KCNIP1: variants seen among roughly 807,000 people sequenced by gnomAD.
The protein encoded by KCNIP1 is A-type potassium channel modulatory protein KCNIP1.
In KCNIP1, 18 loss-of-function variants were observed where a neutral mutation model predicts 33.0. That is an observed-to-expected ratio of 0.55 (90% CI 0.38 to 0.81). The LOEUF is 0.81. Ranked by LOEUF, KCNIP1 falls within the 30% of genes least tolerant of loss-of-function variation. The pLI is 0.00. For synonymous variants in KCNIP1, 93 were observed against 98.3 expected (o/e 0.95, Z 0.32); for missense variants, 238 against 271.6 (o/e 0.88, Z 0.87).
intron 1 of KCNIP1, among the ~76,000 whole-genome samples, chr5:170,605,491 T>G (rs1758870719): frequency 6.6e-6 from 1 of 152,186 alleles, no homozygotes; most frequent in African/African-American, 2.4e-5. Context: ...TTAATTACAT[T>G]CACAACGGCA....
intron 1 of KCNIP1, among the ~76,000 whole-genome samples, chr5:170,508,560 A>C (rs1049573903): frequency 1.2e-4 from 19 of 152,260 alleles, no homozygotes; most frequent in Non-Finnish European, 7.3e-5. Context: ...CCCAAGGGGC[A>C]GGCCTTTGGC....
chr5:170,720,705 C>CA (rs1437466798), intron 3 of KCNIP1, among the ~76,000 whole-genome samples: 1 of 152,184 alleles, frequency 6.6e-6, no homozygotes, highest in Non-Finnish European at 1.5e-5. Flanking sequence ...GCAGTGTACT[C>CA]AAGATTGCAC....
chr5:170,574,229 G>A (rs949592543), intron 1 of KCNIP1, among the ~76,000 whole-genome samples: 2 of 152,176 alleles, frequency 1.3e-5, no homozygotes, highest in Non-Finnish European at 2.9e-5. Context: ...AAACCAATTT[G>A]ACCAGAAGCT....
chr5:170,423,846 T>C (rs1262960201), intron 1 of KCNIP1, among the ~76,000 whole-genome samples: 2 of 152,238 alleles, frequency 1.3e-5, no homozygotes, highest in African/African-American at 2.4e-5. Context: ...AAATGTTTAA[T>C]TGTGGCTCAG....
intron 1 of KCNIP1, among the ~76,000 whole-genome samples, chr5:170,481,326 A>G (rs1387272945): frequency 6.6e-6 from 1 of 152,186 alleles, no homozygotes; most frequent in African/African-American, 2.4e-5. Context: ...TAAGTGGAGA[A>G]AACTGTTAGA....
intron 1 of KCNIP1, among the ~76,000 whole-genome samples, chr5:170,710,476 T>C (rs1389623943): frequency 6.6e-6 from 1 of 152,178 alleles, no homozygotes; most frequent in Admixed American, 6.5e-5. Flanking sequence ...CTGTATTCTA[T>C]TTTTTCTCTT....
intron 1 of KCNIP1, among the ~76,000 whole-genome samples, chr5:170,421,498 A>G (rs555921923): frequency 6.6e-6 from 1 of 152,030 alleles, no homozygotes; most frequent in East Asian, 1.9e-4. Context: ...AGGCTGGGAA[A>G]TCCATGATTA....
intron 1 of KCNIP1, among the ~76,000 whole-genome samples, chr5:170,419,546 A>G (rs1755423798): frequency 6.6e-6 from 1 of 152,256 alleles, no homozygotes; most frequent in African/African-American, 2.4e-5. Flanking sequence ...GCTTGGAGTC[A>G]GAAATTATGT....
At chr5:170,548,143 T>C (rs1406208315) in intron 1 of KCNIP1, among the ~76,000 whole-genome samples, 1 of 152,240 alleles carries the variant, frequency 6.6e-6, no homozygotes, top group Non-Finnish European at 1.5e-5. Flanking sequence ...GTATTTTTCA[T>C]TTCTAGATGC....
At chr5:170,385,380 A>G (rs1234261979) in intron 1 of KCNIP1, 2 of 1,614,072 alleles carry the variant, frequency 1.2e-6, no homozygotes, top group East Asian at 2.2e-5. Context: ...ACACACCACC[A>G]TGGTTACACC....
Position 170,722,809 on chromosome 5 carries a change from A to T in KCNIP1, c.424A>T (p.Ile142Leu). 1 of 1,611,200 alleles carries T rather than the reference A, an allele frequency of 6.2e-7. No homozygotes were observed. Among genetic ancestry groups the T allele is most frequent in the Non-Finnish European group, 8.5e-7 (1 of 1,177,454 alleles). Reference protein sequence around the residue: ...NLYDINKDGYINKEEMMDIVK... With the variant: ...NLYDINKDGYLNKEEMMDIVK... ...GTATGACATCAACAAGGACGGATAC[A>T]TAAACAAAGAGGTAAGTGAGCTGGG... Residue 142 changes from isoleucine (I) to leucine (L), a missense_variant, in exon 5 of 8, where the codon ATA becomes TTA. Coordinates refer to ENST00000328939, the MANE Select transcript of KCNIP1 (RefSeq NM_014592.4).
intron 1 of KCNIP1, among the ~76,000 whole-genome samples, chr5:170,649,243 G>T (rs1237813557): frequency 4.0e-5 from 6 of 151,696 alleles, no homozygotes; most frequent in Admixed American, 3.9e-4. Flanking sequence ...GCAAAAACTG[G>T]AATCAATTTA....
chr5:170,672,352 G>A (rs1279543693), intron 1 of KCNIP1, among the ~76,000 whole-genome samples: 1 of 152,206 alleles, frequency 6.6e-6, no homozygotes, highest in African/African-American at 2.4e-5. Flanking sequence ...ACTCCCTCTC[G>A]AAGGGGTTCA....
chr5:170,512,149 AT>A (rs1350503268), intron 1 of KCNIP1, among the ~76,000 whole-genome samples: 1 of 152,222 alleles, frequency 6.6e-6, no homozygotes, highest in Non-Finnish European at 1.5e-5. Flanking sequence ...TGCTCTAATC[AT>A]TTATGTGAAC....
chr5:170,566,817 G>A (rs1200023660), intron 1 of KCNIP1, among the ~76,000 whole-genome samples: 1 of 152,170 alleles, frequency 6.6e-6, no homozygotes, highest in Non-Finnish European at 1.5e-5. Context: ...CTGAGAAATT[G>A]AACTGGTTAT....
chr5:170,607,266 G>T (rs1758961061), intron 1 of KCNIP1, among the ~76,000 whole-genome samples: 1 of 152,132 alleles, frequency 6.6e-6, no homozygotes, highest in Non-Finnish European at 1.5e-5. Flanking sequence ...GGGTGTAGTG[G>T]GATGATGAAA....
chr5:170,672,351 C>T (rs975720187), intron 1 of KCNIP1, among the ~76,000 whole-genome samples: 2 of 152,174 alleles, frequency 1.3e-5, no homozygotes, highest in Admixed American at 6.5e-5. Flanking sequence ...AACTCCCTCT[C>T]GAAGGGGTTC....
chr5:170,410,071 T>C (rs1312382799), intron 1 of KCNIP1, among the ~76,000 whole-genome samples: 1 of 152,256 alleles, frequency 6.6e-6, no homozygotes, highest in African/African-American at 2.4e-5. Flanking sequence ...AGTGTAACTA[T>C]CAGGAATCCT....
In KCNIP1 at chr5:170,590,825, A is replaced by G. The variant is rs561627574; in HGVS notation, c.61+86192A>G. Among the ~76,000 whole-genome samples the G allele has an allele frequency of 2.0e-5, 3 of 152,296 alleles. No individual in the cohort carries two copies. In the South Asian group the frequency reaches 6.2e-4, roughly 32 times the overall value. ...CCAGTGCAGCTCAGAGTGGATGGGC[A>G]TGTCTGCATCTGCATGCATGCAGGC... is the stretch of plus-strand genomic sequence containing the variant. On this transcript the variant is annotated intron_variant, in intron 1 of 7. Transcript: ENST00000328939.
Sources: gnomAD v4.1 joint callset for allele counts (sites outside exome capture counted in the v4.1 genomes callset) on GRCh38, gnomAD v4.1.1 for gene constraint, MANE v1.5 for transcripts, NCBI Gene and HGNC (gene_info 2026-07-23, HGNC 2026-07-21) for gene names.